The following SLC5A1 variants were observed in gnomAD, a reference collection of about 807,000 sequenced individuals.
The protein encoded by SLC5A1 is solute carrier family 5 member 1.
SLC5A1 carries 42 observed loss-of-function variants against 73.5 expected under a neutral mutation model. That is an observed-to-expected ratio of 0.57 (90% CI 0.45 to 0.74). The LOEUF is 0.74. SLC5A1 is among the 30% of genes least tolerant of loss of function. The probability of loss-of-function intolerance (pLI) is 0.00; values close to 1 mark genes in which losing one functional copy is unlikely to be tolerated. For synonymous variants in SLC5A1, 300 were observed against 317.4 expected (o/e 0.95, Z 0.58); for missense variants, 634 against 855.4 (o/e 0.74, Z 3.23).
At chr22:32,070,446 C>T (rs989454172) in intron 5 of SLC5A1, among the ~76,000 whole-genome samples, 2 of 151,728 alleles carry the variant, frequency 1.3e-5, no homozygotes, top group Non-Finnish European at 2.9e-5. Context: ...GATCCTTCCA[C>T]CTCAGCCTCT....
chr22:32,111,449 G>C lies in SLC5A1; in HGVS notation c.*1236G>C, dbSNP rs1218882012. 1.3e-5 allele frequency: 2 copies of C among 152,184 alleles called. No homozygotes were observed. The highest frequency in any genetic ancestry group is 2.9e-5 in the Non-Finnish European group (2 of 68,052). The allele number at this position is 152,184 out of a possible 1,614,324, so 9.4% of individuals were successfully genotyped here. On this transcript the variant is annotated 3_prime_UTR_variant, in exon 15 of 15. Coordinates refer to ENST00000266088, the MANE Select transcript of SLC5A1 (RefSeq NM_000343.4). The stretch of plus-strand genomic sequence containing the variant: ...ACCTCCAAATACAGTCACACTGTGA[G>C]AAACTGAGGGTTAGGAAGTCAGCAA...
At chr22:32,094,597 A>G (rs1241235391) in intron 11 of SLC5A1, among the ~76,000 whole-genome samples, 3 of 152,096 alleles carry the variant, frequency 2.0e-5, no homozygotes, top group African/African-American at 7.2e-5. Context: ...GAATTTATCC[A>G]TCTCCTCTAG....
In SLC5A1 at chr22:32,050,400, T is replaced by C. The variant is rs1037312965; in HGVS notation, c.207+386T>C. 3.3e-5 allele frequency among the ~76,000 whole-genome samples: 5 copies of C among 152,316 alleles called. No individual in the cohort carries two copies. The Middle Eastern group carries it at 0.01, about 311-fold the overall frequency. Reference sequence around the variant, plus strand: ...TCCATCTGCCTTTATCCCAGTCGCTTTGTGCCACAGGAAGAGTGGGCAGCA... The same window carrying C: ...TCCATCTGCCTTTATCCCAGTCGCTCTGTGCCACAGGAAGAGTGGGCAGCA... On this transcript the variant is annotated intron_variant, in intron 2 of 14. Coordinates refer to ENST00000266088, the MANE Select transcript of SLC5A1 (RefSeq NM_000343.4).
chr22:32,083,797 A>G (rs759521632), intron 7 of SLC5A1, among the ~76,000 whole-genome samples: 3 of 152,144 alleles, frequency 2.0e-5, no homozygotes, highest in Non-Finnish European at 4.4e-5. Context: ...CCCACTGTGT[A>G]TCCTGCAAAA....
At chr22:32,100,765 A>AT (rs1045558679) in intron 12 of SLC5A1, among the ~76,000 whole-genome samples, 2 of 152,014 alleles carry the variant, frequency 1.3e-5, no homozygotes, top group Non-Finnish European at 2.9e-5. Context: ...TAGGGAACAT[A>AT]TTTTTTTCTT....
At chr22:32,086,156 A>AAAAAAAAAGG in intron 9 of SLC5A1, 64 bp from the exon 10 acceptor site, 2 of 1,023,660 alleles carry the variant, frequency 2.0e-6, no homozygotes, top group Non-Finnish European at 1.5e-6. Flanking sequence ...AAAAAAAAGA[A>AAAAAAAAAGG]GGTGAATTTT....
intron 1 of SLC5A1, among the ~76,000 whole-genome samples, chr22:32,049,097 T>TAAATAAAA (rs1359741689): frequency 7.3e-6 from 1 of 137,580 alleles, no homozygotes; most frequent in Non-Finnish European, 1.5e-5. Flanking sequence ...AATAAATATA[T>TAAATAAAA]ATATATATAT....
intron 5 of SLC5A1, among the ~76,000 whole-genome samples, chr22:32,076,252 C>T (rs561386468): frequency 1.3e-5 from 2 of 152,346 alleles, no homozygotes; most frequent in African/African-American, 4.8e-5. Context: ...CTATGGCTAC[C>T]ATCTTTTGGT....
intron 4 of SLC5A1, 48 bp from the exon 5 acceptor site, chr22:32,068,448 C>A (rs1205454902): frequency 9.0e-7 from 1 of 1,107,736 alleles, no homozygotes; most frequent in Non-Finnish European, 1.4e-6. Flanking sequence ...CTGCTCTGGG[C>A]CCTCTGGTCA....
At chr22:32,044,984 C>T (rs2093935261) in intron 1 of SLC5A1, among the ~76,000 whole-genome samples, 1 of 152,216 alleles carries the variant, frequency 6.6e-6, no homozygotes, top group South Asian at 2.1e-4. Flanking sequence ...GGCCAGAATG[C>T]TAATCCCCGT....
chr22:32,053,195 A>T (rs2037796872), intron 2 of SLC5A1, among the ~76,000 whole-genome samples: 1 of 151,978 alleles, frequency 6.6e-6, no homozygotes, highest in Non-Finnish European at 1.5e-5. Context: ...CCATTGGTAT[A>T]TTTTGGGTGG....
At position 32,084,907 on chromosome 22, in the gene SLC5A1, T is replaced by C. The variant is rs200004849; in HGVS notation, c.893T>C (p.Val298Ala). The change falls in exon 9 of 15, where the codon GTG becomes GCG. Residue 298 changes from valine (V) to alanine (A), a missense_variant. Physicochemically the swap from Val to Ala is moderately conservative, Grantham distance 64 (BLOSUM62 0). Around this residue, in one of 3 missense-constraint regions of SLC5A1, gnomAD observed 422 missense variants for 626.1 expected, o/e 0.67. Coordinates refer to ENST00000266088, the MANE Select transcript of SLC5A1 (RefSeq NM_000343.4). ...CTGGGCTTTTTCTGGCAGGTCATTG[T>C]GCAGCGCTGCCTCTCAGCCAAGAAT... ...LWYWCTDQVIVQRCLSAKNMS... is the reference protein window; with the variant it reads ...LWYWCTDQVIAQRCLSAKNMS... The C allele has an allele frequency of 1.2e-6, 2 of 1,614,204 alleles. No individual in the cohort carries two copies. The highest frequency in any genetic ancestry group is 1.7e-6 in the Non-Finnish European group (2 of 1,180,050).
At chr22:32,058,754 G>A (rs191181481) in intron 2 of SLC5A1, among the ~76,000 whole-genome samples, 1 of 152,250 alleles carries the variant, frequency 6.6e-6, no homozygotes, top group Non-Finnish European at 1.5e-5. Context: ...TTATGGTCTT[G>A]TTCTTATGAA....
At chr22:32,095,740 G>A (rs1400664289) in intron 11 of SLC5A1, among the ~76,000 whole-genome samples, 1 of 152,136 alleles carries the variant, frequency 6.6e-6, no homozygotes, top group Non-Finnish European at 1.5e-5. Flanking sequence ...ATTTATGTGA[G>A]TCCTTATGTG....
Position 32,110,164 on chromosome 22 carries a change from G to A in SLC5A1, c.1946G>A (p.Gly649Asp), listed in dbSNP as rs2094053800. The change falls in exon 15 of 15, where the codon GGC becomes GAC. Residue 649 changes from glycine (G) to aspartate (D), a missense_variant. Physicochemically the swap from Gly to Asp is moderately conservative, Grantham distance 94. Transcript: ENST00000266088. Reference protein sequence around the residue: ...PLWRTVLNVNGIILVTVAVFC... With the variant: ...PLWRTVLNVNDIILVTVAVFC... ...TGGAGGACAGTGTTGAACGTCAATG[G>A]CATCATCCTGGTGACCGTGGCTGTC... The A allele has an allele frequency of 6.2e-7, 1 of 1,614,000 alleles. No individual in the cohort carries two copies. Among genetic ancestry groups the A allele is most frequent in the Admixed American group, 1.7e-5 (1 of 59,994 alleles).
intron 14 of SLC5A1, among the ~76,000 whole-genome samples, chr22:32,106,551 C>G (rs1442540507): frequency 6.6e-6 from 1 of 152,106 alleles, no homozygotes; most frequent in African/African-American, 2.4e-5. Context: ...GCAGATGGAA[C>G]CAAAGCTATG....
At chr22:32,105,260 G>C (rs1386542606) in intron 14 of SLC5A1, among the ~76,000 whole-genome samples, 1 of 151,206 alleles carries the variant, frequency 6.6e-6, no homozygotes, top group Non-Finnish European at 1.5e-5. Context: ...TTTATCCTTT[G>C]AGTTGCAAAC....
At chr22:32,047,936 A>C (rs537502466) in intron 1 of SLC5A1, among the ~76,000 whole-genome samples, 3 of 152,168 alleles carry the variant, frequency 2.0e-5, no homozygotes, top group African/African-American at 7.2e-5. Flanking sequence ...CGAGGCGGGC[A>C]GATCACCTGA....
At position 32,110,220 on chromosome 22, in the gene SLC5A1, C is replaced by T. The variant is rs1349554852; in HGVS notation, c.*7C>T. 14 of 1,593,082 alleles carry T rather than the reference C, an allele frequency of 8.8e-6. No homozygotes were observed. The highest frequency in any genetic ancestry group is 9.5e-6 in the Non-Finnish European group (11 of 1,161,504). ...CCATGCATATTTTGCCTGAGTCCTA[C>T]CTTTTGCTGTAGATTTACCATGGCT... On this transcript the variant is annotated 3_prime_UTR_variant, in exon 15 of 15. Coordinates refer to ENST00000266088, the MANE Select transcript of SLC5A1 (RefSeq NM_000343.4).
Sources: allele counts gnomAD v4.1 joint callset (sites outside exome capture counted in the v4.1 genomes callset), GRCh38; gene constraint gnomAD v4.1.1; regional missense constraint gnomAD v4.1.1; transcripts MANE v1.5; gene names NCBI Gene and HGNC (gene_info 2026-07-23, HGNC 2026-07-21).